The following FMO5 variants were observed in gnomAD, a reference collection of about 807,000 sequenced individuals.
FMO5 encodes the protein flavin containing dimethylaniline monoxygenase 5.
FMO5 carries 51 observed loss-of-function variants against 43.6 expected under a neutral mutation model. The ratio of observed to expected loss-of-function variants is 1.17; its 90% CI spans 0.93 to 1.48. The LOEUF is 1.48. Among genes scored for constraint, FMO5 ranks in the 40% most tolerant of loss-of-function variants. The pLI, the probability that FMO5 is intolerant of heterozygous loss-of-function variation, is 0.00. For missense variants in FMO5, 644 were observed against 643.0 expected (o/e 1.00, Z -0.02); for synonymous variants, 187 against 216.5 (o/e 0.86, Z 1.20).
At chr1:147,221,276 G>A (rs1431815659) in intron 2 of FMO5, among the ~76,000 whole-genome samples, 2 of 151,998 alleles carry the variant, frequency 1.3e-5, no homozygotes, top group African/African-American at 4.8e-5. Flanking sequence ...AATAAAGTAT[G>A]GACTTCAGTT....
intron 5 of FMO5, 95 bp downstream of exon 5, chr1:147,212,298 A>G: frequency 2.3e-6 from 3 of 1,276,680 alleles, no homozygotes; most frequent in Non-Finnish European, 3.3e-6. Context: ...GGCTATGTGC[A>G]GGTATCCCTA....
chr1:147,215,879 T>C lies in FMO5; in HGVS notation c.199A>G (p.Met67Val), dbSNP rs1553924918. ...KSVIINTSKEMMCFSDYPIPD... is the reference protein window; with the variant it reads ...KSVIINTSKEVMCFSDYPIPD... ...ATTGGATAGTCACTGAAGCACATCA[T>C]CTCTTTAGAAGTATTGATGATCACT... Residue 67 changes from methionine to valine, a missense_variant, in exon 3 of 9, where the codon ATG becomes GTG. Physicochemically the swap from Met to Val is conservative, Grantham distance 21. Transcript: ENST00000254090. The C allele has an allele frequency of 6.2e-7, 1 of 1,613,544 alleles. No individual in the cohort carries two copies. Among genetic ancestry groups the C allele is most frequent in the East Asian group, 2.2e-5 (1 of 44,868 alleles).
intron 7 of FMO5, among the ~76,000 whole-genome samples, chr1:147,192,395 C>T (rs1195136703): frequency 6.6e-6 from 1 of 152,112 alleles, no homozygotes; most frequent in African/African-American, 2.4e-5. Flanking sequence ...TGCTCATCAG[C>T]TTAAGGAGAT....
At chr1:147,195,758 A>C (rs1426045293) in intron 7 of FMO5, among the ~76,000 whole-genome samples, 2 of 152,122 alleles carry the variant, frequency 1.3e-5, no homozygotes, top group Non-Finnish European at 2.9e-5. Flanking sequence ...CACTCCATAA[A>C]ATTGTGGAAT....
At chr1:147,192,307 CTGTT>C (rs1657026472) in intron 7 of FMO5, among the ~76,000 whole-genome samples, 2 of 151,988 alleles carry the variant, frequency 1.3e-5, no homozygotes, top group East Asian at 1.9e-4. Context: ...ATTTGGCTCT[CTGTT>C]TGTCTGTTGT....
rs1655744796 is a variant in FMO5 at position 147,187,059 on chromosome 1, C to G, written c.1443G>C (p.Trp481Cys). 4 of 1,613,992 alleles carry G rather than the reference C, an allele frequency of 2.5e-6. No individual in the cohort carries two copies. The highest frequency in any genetic ancestry group is 3.4e-6 in the Non-Finnish European group (4 of 1,180,036). ...TGAGGATAGCTTTTCGAGCCCCATC[C>G]CACTTTCCAGGGCCCTGTACACGAT... ...IHYRVQGPGKWDGARKAILTT... is the reference protein window; with the variant it reads ...IHYRVQGPGKCDGARKAILTT... The change falls in exon 9 of 9, where the codon TGG becomes TGC. Residue 481 changes from tryptophan (W) to cysteine (C), a missense_variant. Physicochemically the swap from Trp to Cys is radical, Grantham distance 215 (BLOSUM62 -2). Transcript: ENST00000254090.
chr1:147,193,873 A>G (rs1657410720), intron 7 of FMO5, among the ~76,000 whole-genome samples: 1 of 152,116 alleles, frequency 6.6e-6, no homozygotes, highest in Admixed American at 6.5e-5. Context: ...TCTGAGAGAC[A>G]GTTTGTTATA....
rs1553924203 is a variant in FMO5, at chr1:147,213,378, A to T, written c.417T>A (p.Asn139Lys). 2 of 1,613,816 alleles carry T rather than the reference A, an allele frequency of 1.2e-6. No homozygotes were observed. The highest frequency in any genetic ancestry group is 1.1e-5 in the South Asian group (1 of 91,008). ...VTESEGKKEM[N>K]VFDGVMVCTG... ...TGCAAACCATGACTCCATCAAAGAC[A>T]TTCATCTCCTTTTTCCCTTCAGATT... The change falls in exon 4 of 9, where the codon AAT becomes AAA. Residue 139 changes from asparagine (N) to lysine (K), a missense_variant. Coordinates refer to ENST00000254090, the MANE Select transcript of FMO5 (RefSeq NM_001461.4).
rs182698711 is a variant in FMO5, at chr1:147,187,993, C to T, written c.1257-748G>A. On this transcript the variant is annotated intron_variant, in intron 8 of 8. Coordinates refer to ENST00000254090, the MANE Select transcript of FMO5 (RefSeq NM_001461.4). The stretch of plus-strand genomic sequence containing the variant: ...TCAAGCCAATTGAGATTGAAGAATC[C>T]AAGAACAGGGACAGGAAAAAAATGA... Among the ~76,000 whole-genome samples the T allele has an allele frequency of 4.6e-5, 7 of 151,912 alleles. No homozygotes were observed. In the East Asian group the frequency reaches 1.4e-3, roughly 29 times the overall value.
chr1:147,203,483 A>G, intron 6 of FMO5: 6 of 844,596 alleles, frequency 7.1e-6, no homozygotes, highest in Non-Finnish European at 1.3e-5. Flanking sequence ...TCAGTATCTA[A>G]TCCAACATTT....
rs1553923141 is a variant in FMO5 at position 147,209,028 on chromosome 1, C to A, written c.654G>T (p.Gly218=). The change falls in exon 6 of 9, where the codon GGG becomes GGT. Residue 218 remains glycine, a synonymous_variant. Coordinates refer to ENST00000254090, the MANE Select transcript of FMO5 (RefSeq NM_001461.4). ...CCCCTACACGATTCAGGATCCAAGC[C>A]CCTCTCCTGGTGCTGAGGAAAACCT... The part of the protein sequence containing the change: ...AKQVFLSTRR[G]AWILNRVGDY... 1.2e-6 allele frequency: 2 copies of A among 1,614,066 alleles called. No individual in the cohort carries two copies. Among genetic ancestry groups the A allele is most frequent in the Admixed American group, 3.3e-5 (2 of 60,016 alleles).
intron 7 of FMO5, among the ~76,000 whole-genome samples, chr1:147,194,122 T>G (rs1479278771): frequency 3.3e-5 from 5 of 152,146 alleles, no homozygotes; most frequent in African/African-American, 9.7e-5. Flanking sequence ...AAGTCTCCCA[T>G]TATTATTGCG....
rs1253463681 is a variant in FMO5 at position 147,204,141 on chromosome 1, A to G, written c.831-2637T>C. ...TCTTCTCCCTTACTTAAATTCATCA[A>G]TTCTTCATCAGTCTTTATCAACACT... On this transcript the variant is annotated intron_variant, in intron 6 of 8. Transcript: ENST00000254090. 29 of 1,074,332 alleles carry G rather than the reference A, an allele frequency of 2.7e-5. No homozygotes were observed. In the Admixed American group the frequency reaches 4.4e-4, roughly 16 times the overall value. The allele number at this position is 1,074,332 out of a possible 1,614,324, so 66.5% of individuals were successfully genotyped here.
At chr1:147,223,931 G>T in intron 2 of FMO5, 1 of 374,038 alleles carries the variant, frequency 2.7e-6, no homozygotes, top group Non-Finnish European at 5.2e-6. Context: ...TAGCAAAGGG[G>T]ATACCCCCAT....
chr1:147,216,459 C>T (rs868909772), intron 2 of FMO5, among the ~76,000 whole-genome samples: 1 of 152,102 alleles, frequency 6.6e-6, no homozygotes, highest in African/African-American at 2.4e-5. Context: ...TGGGAAGATA[C>T]ACAGGAAAGA....
chr1:147,216,338 C>T (rs1259145935), intron 2 of FMO5, among the ~76,000 whole-genome samples: 1 of 152,166 alleles, frequency 6.6e-6, no homozygotes, highest in Non-Finnish European at 1.5e-5. Context: ...TATGGCCAGT[C>T]CCCAAAAATT....
chr1:147,211,179 T>C (rs1318128281), intron 5 of FMO5: 1 of 152,166 alleles, frequency 6.6e-6, no homozygotes, highest in East Asian at 1.9e-4. Context: ...CACACAGAAA[T>C]GCTTTGTTAT....
rs1011290880 is a variant in FMO5 at position 147,186,846 on chromosome 1, A to G, written c.*54T>C. 12 of 1,550,034 alleles carry G rather than the reference A, an allele frequency of 7.7e-6. No homozygotes were observed. Among genetic ancestry groups the G allele is most frequent in the Non-Finnish European group, 1.0e-5 (12 of 1,150,688 alleles). On this transcript the variant is annotated 3_prime_UTR_variant, in exon 9 of 9. Coordinates refer to ENST00000254090, the MANE Select transcript of FMO5 (RefSeq NM_001461.4). ...GAGAGTCAATCTCGTCAGATTCTGAAGGCATCTGTAGATAAGCTTCCCAAT... is the reference window on the plus strand; with the variant it reads ...GAGAGTCAATCTCGTCAGATTCTGAGGGCATCTGTAGATAAGCTTCCCAAT...
At chr1:147,198,870 A>G (rs942012866) in intron 7 of FMO5, among the ~76,000 whole-genome samples, 9 of 147,782 alleles carry the variant, frequency 6.1e-5, no homozygotes, top group East Asian at 2.0e-4. Context: ...AAAAAAAAAA[A>G]AAAAAGAAAG....
Sources: gnomAD v4.1 joint callset for allele counts (sites outside exome capture counted in the v4.1 genomes callset) on GRCh38, gnomAD v4.1.1 for gene constraint, MANE v1.5 for transcripts, NCBI Gene and HGNC (gene_info 2026-07-23, HGNC 2026-07-21) for gene names.